Variants in KLF17 observed in about 807,000 individuals in gnomAD.
The protein encoded by KLF17 is Krueppel-like factor 17.
KLF17 carries 31 observed loss-of-function variants against 34.2 expected under a neutral mutation model. The ratio of observed to expected loss-of-function variants is 0.91; its 90% CI spans 0.68 to 1.22. KLF17 has a LOEUF of 1.22. Ranked by LOEUF, KLF17 falls within the 50% of genes most tolerant of loss-of-function variation. The pLI, the probability that KLF17 is intolerant of heterozygous loss-of-function variation, is 0.00. For synonymous variants in KLF17, 179 were observed against 186.7 expected (o/e 0.96, Z 0.34); for missense variants, 478 against 505.2 (o/e 0.95, Z 0.52).
At chr1:44,117,642 C>T (rs1488169598), upstream of KLF17, among the ~76,000 whole-genome samples, 9 of 151,778 alleles carry the variant, frequency 5.9e-5, no homozygotes, top group Non-Finnish European at 8.8e-5. Context: ...ATTACAGGCA[C>T]GCGCCACCAC....
chr1:44,098,554 T>C, the KLF17 span, among the ~76,000 whole-genome samples: 2 of 123,502 alleles, frequency 1.6e-5, no homozygotes, highest in African/African-American at 2.8e-5. Flanking sequence ...TATTTCTTTT[T>C]TTTTTTTTTT....
In KLF17 at chr1:44,130,773, C is replaced by G. The variant is rs2088099741; in HGVS notation, c.*17C>G. Reference sequence around the variant, plus strand: ...GGTCCTTAGGTCAGTCTCCTCTCCTCATTCTGGGTTTTCTTTTTCCTTTTT... The same window carrying G: ...GGTCCTTAGGTCAGTCTCCTCTCCTGATTCTGGGTTTTCTTTTTCCTTTTT... On this transcript the variant is annotated intron_variant, in intron 3 of 3. Coordinates refer to ENST00000372299, the MANE Select transcript of KLF17 (RefSeq NM_173484.4). 1 of 1,609,998 alleles carries G rather than the reference C, an allele frequency of 6.2e-7. No individual in the cohort carries two copies. Among genetic ancestry groups the G allele is most frequent in the South Asian group, 1.1e-5 (1 of 90,824 alleles).
At chr1:44,120,874 C>T (rs558566599) in intron 1 of KLF17, among the ~76,000 whole-genome samples, 1 of 152,214 alleles carries the variant, frequency 6.6e-6, no homozygotes, top group Admixed American at 6.5e-5. Context: ...GTCCCAGCAG[C>T]CCAGGAGGCT....
chr1:44,104,449 C>G, the KLF17 span: 1 of 822,728 alleles, frequency 1.2e-6, no homozygotes, highest in Non-Finnish European at 2.1e-6. Flanking sequence ...AGGAACCGCA[C>G]CTTGTCGATG....
the KLF17 span, among the ~76,000 whole-genome samples, chr1:44,058,998 A>G: frequency 1.2e-4 from 18 of 152,178 alleles, no homozygotes; most frequent in African/African-American, 3.6e-4. Flanking sequence ...CCAATGATCA[A>G]TTACACATGA....
the KLF17 span, among the ~76,000 whole-genome samples, chr1:44,071,873 G>C: frequency 0.4 from 60,580 of 151,864 alleles, 12,603 homozygotes; most frequent in East Asian, 0.56. Flanking sequence ...GCTACCTGCT[G>C]TCTGCTCCGG....
chr1:44,098,926 C>T, the KLF17 span, among the ~76,000 whole-genome samples: 1 of 146,564 alleles, frequency 6.8e-6, no homozygotes, highest in South Asian at 2.2e-4. Context: ...CAGGGTCTTA[C>T]CATGTTGCCC....
intron 1 of KLF17, among the ~76,000 whole-genome samples, chr1:44,128,336 CT>C (rs2088052990): frequency 6.6e-6 from 1 of 152,168 alleles, no homozygotes; most frequent in Non-Finnish European, 1.5e-5. Flanking sequence ...TTGTGAGCCG[CT>C]GCGCCTGGAC....
At chr1:44,116,346 C>T (rs2087879545), upstream of KLF17, among the ~76,000 whole-genome samples, 1 of 152,192 alleles carries the variant, frequency 6.6e-6, no homozygotes, top group Non-Finnish European at 1.5e-5. Context: ...TGTCCCTGCT[C>T]TCACTAAAGG....
intron 1 of KLF17, among the ~76,000 whole-genome samples, chr1:44,123,508 C>A (rs188756945): frequency 1.8e-4 from 28 of 152,166 alleles, no homozygotes; most frequent in Admixed American, 1.7e-3. Context: ...TGAGTCTTTT[C>A]TTTTTCCTTA....
intron 1 of KLF17, among the ~76,000 whole-genome samples, chr1:44,126,790 C>G (rs2485654): frequency 0.99 from 150,011 of 152,286 alleles, 73,914 homozygotes; most frequent in East Asian, 1. Context: ...GTTGTTATTA[C>G]AGTCACAAAT....
In KLF17 at chr1:44,129,472, G is replaced by T. The variant is rs755476285; in HGVS notation, c.201G>T (p.Met67Ile). ...SIQHFPHSAE[M>I]LGSPLVSVEA... ...AGCACTTTCCTCACAGCGCAGAGAT[G>T]CTGGGGTCCCCTTTGGTGTCTGTTG... The change falls in exon 2 of 4, where the codon ATG becomes ATT. Residue 67 changes from methionine to isoleucine, a missense_variant. Physicochemically the swap from Met to Ile is conservative, Grantham distance 10 (BLOSUM62 1). Transcript: ENST00000372299. 5.6e-6 allele frequency: 9 copies of T among 1,611,184 alleles called. No homozygotes were observed. The highest frequency in any genetic ancestry group is 1.6e-4 in the Middle Eastern group (1 of 6,072).
At position 44,129,423 on chromosome 1, in the gene KLF17, G is replaced by A. The variant is rs1253719744; in HGVS notation, c.152G>A (p.Trp51Ter). The part of the protein sequence containing the change: ...SSGSSGVHTS[W>*]NQGLPSIQHF... ...GGAAGCTCTGGAGTGCACACCTCTT[G>A]GAACCAAGGCCTACCAAGCATTCAG... is the stretch of plus-strand genomic sequence containing the variant. The change falls in exon 2 of 4, where the codon TGG (tryptophan) becomes TAG (stop). Residue 51 changes from tryptophan (W) to a stop codon, truncating the protein, a stop_gained. Coordinates refer to ENST00000372299, the MANE Select transcript of KLF17 (RefSeq NM_173484.4). LOFTEE classifies it high-confidence loss of function. 12 of 1,576,632 alleles carry A rather than the reference G, an allele frequency of 7.6e-6. No homozygotes were observed. The highest frequency in any genetic ancestry group is 4.7e-5 in the South Asian group (4 of 84,938).
intron 1 of KLF17, among the ~76,000 whole-genome samples, chr1:44,123,830 A>ATTTTTTATTT (rs1448416559): frequency 6.6e-6 from 1 of 151,496 alleles, no homozygotes; most frequent in Non-Finnish European, 1.5e-5. Flanking sequence ...TGATTGTTTC[A>ATTTTTTATTT]GAGAGTGCTA....
At chr1:44,127,647 TTTCTTTC>T (rs1557731802) in intron 1 of KLF17, among the ~76,000 whole-genome samples, 7 of 53,126 alleles carry the variant, frequency 1.3e-4, no homozygotes, top group African/African-American at 5.4e-4. Flanking sequence ...TCCTTCTTTC[TTTCTTTC>T]TTTCTTTCTT....
At chr1:44,085,365 C>T in the KLF17 span, among the ~76,000 whole-genome samples, 1 of 152,028 alleles carries the variant, frequency 6.6e-6, no homozygotes, top group African/African-American at 2.4e-5. Context: ...CAATTTTCAG[C>T]TGGGTGGTCA....
rs554677609 is a variant in KLF17, at chr1:44,122,017, T to G, written c.81+3029T>G. ...TTCCTTAGGGATGGCAAAATAAATT[T>G]CCTTTTCCTTTATGTCTTTTCCTTT... On this transcript the variant is annotated intron_variant, in intron 1 of 3. Transcript: ENST00000372299. The G allele has an allele frequency of 2.0e-5, 13 of 662,722 alleles. No homozygotes were observed. In the African/African-American group the frequency reaches 2.4e-4, roughly 12 times the overall value. 41.1% of individuals were successfully genotyped at this position (662,722 alleles called of 1,614,324 possible). A position where few individuals can be genotyped will look rare whatever the true frequency, so the allele number is the denominator to read the frequency against.
At chr1:44,096,489 C>T in the KLF17 span, among the ~76,000 whole-genome samples, 207 of 151,316 alleles carry the variant, frequency 1.4e-3, no homozygotes, top group African/African-American at 4.6e-3. Context: ...AGCTCCGCCT[C>T]CCAGGTTCAC....
the KLF17 span, chr1:44,076,600 T>G: frequency 6.6e-6 from 1 of 152,224 alleles, no homozygotes; most frequent in Non-Finnish European, 1.5e-5. Flanking sequence ...CTCATTGTGG[T>G]TTTAATTTGC....
Sources: gnomAD v4.1 joint callset for allele counts (sites outside exome capture counted in the v4.1 genomes callset) on GRCh38, gnomAD v4.1.1 for gene constraint, MANE v1.5 for transcripts, NCBI Gene and HGNC (gene_info 2026-07-23, HGNC 2026-07-21) for gene names.